SEMA3A: variants seen among roughly 807,000 people sequenced by gnomAD.
SEMA3A encodes semaphorin 3A, also known as semaphorin-3A.
Under a neutral mutation model 97.9 loss-of-function variants are expected in SEMA3A, and 29 were observed. The observed-to-expected ratio is 0.30, with a 90% CI of 0.22 to 0.40. The LOEUF is 0.40. Among genes scored for constraint, SEMA3A ranks in the 10% least tolerant of loss-of-function variants. The pLI is 1.00. For missense variants in SEMA3A, 763 were observed against 951.3 expected, an observed-to-expected ratio of 0.80 and a Z score of 2.60; for synonymous variants, 321 against 323.7, an observed-to-expected ratio of 0.99 and a Z score of 0.09.
At chr7:84,181,782 C>T (rs2116238267) in intron 1 of SEMA3A, among the ~76,000 whole-genome samples, 1 of 152,204 alleles carries the variant, frequency 6.6e-6, no homozygotes, top group African/African-American at 2.4e-5. Context: ...TATACCTCAC[C>T]TTCACATATC....
At chr7:84,250,525 G>T (rs769757707) in intron 3 of SEMA3A, among the ~76,000 whole-genome samples, 69 of 152,100 alleles carry the variant, frequency 4.5e-4, no homozygotes, top group Non-Finnish European at 7.2e-4. Flanking sequence ...CAGTTTCTCT[G>T]TCTACATCTG....
At chr7:84,107,141 G>A (rs1177498304) in intron 4 of SEMA3A, among the ~76,000 whole-genome samples, 3 of 151,972 alleles carry the variant, frequency 2.0e-5, no homozygotes, top group Admixed American at 6.6e-5. Flanking sequence ...CCTCTGTTTC[G>A]ATTGCTATTT....
At chr7:84,489,875 C>T (rs1377947051) in intron 1 of SEMA3A, among the ~76,000 whole-genome samples, 2 of 151,930 alleles carry the variant, frequency 1.3e-5, no homozygotes, top group South Asian at 2.1e-4. Flanking sequence ...GAGAATATCC[C>T]TTAGAATAAG....
intron 2 of SEMA3A, among the ~76,000 whole-genome samples, chr7:84,358,401 C>T (rs1218502638): frequency 6.6e-6 from 1 of 152,132 alleles, no homozygotes; most frequent in Non-Finnish European, 1.5e-5. Flanking sequence ...GGAATCCTTT[C>T]TCCATTGCTT....
intron 7 of SEMA3A, among the ~76,000 whole-genome samples, chr7:84,013,293 AT>A (rs570740398): frequency 4.1e-4 from 62 of 152,334 alleles, no homozygotes; most frequent in African/African-American, 1.5e-3. Context: ...GATGATACTA[AT>A]TAATAATCTA....
At chr7:84,239,578 G>A (rs1279482424) in intron 3 of SEMA3A, among the ~76,000 whole-genome samples, 5 of 152,072 alleles carry the variant, frequency 3.3e-5, no homozygotes, top group Admixed American at 2.6e-4. Flanking sequence ...TTATCTTTCT[G>A]ACTAAAAATG....
chr7:84,186,840 T>G (rs1797902529), intron 1 of SEMA3A, among the ~76,000 whole-genome samples: 2 of 151,982 alleles, frequency 1.3e-5, no homozygotes, highest in African/African-American at 2.4e-5. Context: ...ATAAGTGGCC[T>G]AAGGAAATTA....
intron 6 of SEMA3A, among the ~76,000 whole-genome samples, chr7:84,035,809 C>T (rs545298343): frequency 6.6e-6 from 1 of 152,088 alleles, no homozygotes; most frequent in East Asian, 1.9e-4. Context: ...TACTTTTCAT[C>T]TCATTATTTT....
At chr7:83,983,224 T>G (rs1458887052) in intron 13 of SEMA3A, among the ~76,000 whole-genome samples, 1 of 151,318 alleles carries the variant, frequency 6.6e-6, no homozygotes, top group Non-Finnish European at 1.5e-5. Flanking sequence ...CTTTTCTTTT[T>G]CTTTCTTTCT....
chr7:83,970,954 A>C (rs1285480426), intron 15 of SEMA3A, among the ~76,000 whole-genome samples: 3 of 152,236 alleles, frequency 2.0e-5, no homozygotes. Context: ...TTTTCTGCAG[A>C]AATACAATAG....
At chr7:84,313,358 A>ATG (rs1801404324) in intron 2 of SEMA3A, among the ~76,000 whole-genome samples, 1 of 4,274 alleles carries the variant, frequency 2.3e-4, no homozygotes, top group Admixed American at 3.6e-3. Flanking sequence ...GTGTGTGTGT[A>ATG]TATATATATA....
intron 1 of SEMA3A, among the ~76,000 whole-genome samples, chr7:84,424,475 A>C (rs1226797671): frequency 9.3e-6 from 1 of 107,772 alleles, no homozygotes; most frequent in Non-Finnish European, 1.8e-5. Context: ...AATATACAAT[A>C]TATAATATAT....
At chr7:84,290,494 A>G (rs1377432738) in intron 3 of SEMA3A, among the ~76,000 whole-genome samples, 1 of 151,620 alleles carries the variant, frequency 6.6e-6, no homozygotes, top group African/African-American at 2.4e-5. Context: ...TATTCTGAGT[A>G]CTAGCCAGGG....
At chr7:84,290,000 A>T (rs1176613839) in intron 3 of SEMA3A, among the ~76,000 whole-genome samples, 1 of 152,082 alleles carries the variant, frequency 6.6e-6, no homozygotes, top group African/African-American at 2.4e-5. Flanking sequence ...GCTAAGTGAA[A>T]AGTCACAAAA....
chr7:84,338,864 T>C (rs927075021), intron 2 of SEMA3A, among the ~76,000 whole-genome samples: 1 of 152,186 alleles, frequency 6.6e-6, no homozygotes, highest in Non-Finnish European at 1.5e-5. Context: ...AGTGAACTTG[T>C]TTTAATCACC....
At chr7:84,092,043 C>G (rs896769467) in intron 4 of SEMA3A, among the ~76,000 whole-genome samples, 1 of 152,124 alleles carries the variant, frequency 6.6e-6, no homozygotes, top group African/African-American at 2.4e-5. Flanking sequence ...TATCAGAATA[C>G]TCTTGAGTAT....
chr7:83,969,294 C>T (rs745805720), intron 15 of SEMA3A, among the ~76,000 whole-genome samples: 6 of 152,166 alleles, frequency 3.9e-5, no homozygotes, highest in Non-Finnish European at 7.3e-5. Flanking sequence ...ACAAATTACA[C>T]TCCTCAATGT....
intron 1 of SEMA3A, among the ~76,000 whole-genome samples, chr7:84,461,222 A>G (rs1489150728): frequency 6.6e-6 from 1 of 152,164 alleles, no homozygotes; most frequent in Non-Finnish European, 1.5e-5. Context: ...AAATGTTCTT[A>G]GTAAGCAGTC....
At chr7:84,470,414 C>T (rs889857626) in intron 1 of SEMA3A, among the ~76,000 whole-genome samples, 1 of 152,044 alleles carries the variant, frequency 6.6e-6, no homozygotes, top group Non-Finnish European at 1.5e-5. Context: ...ATAAATGATT[C>T]TGTGAACAGA....
Sources: allele counts gnomAD v4.1 joint callset (sites outside exome capture counted in the v4.1 genomes callset), GRCh38; gene constraint gnomAD v4.1.1; transcripts MANE v1.5; gene names NCBI Gene and HGNC (gene_info 2026-07-23, HGNC 2026-07-21).